EFR3A: variants seen among roughly 807,000 people sequenced by gnomAD.
EFR3A encodes EFR3 homolog A.
EFR3A carries 76 observed loss-of-function variants against 104.4 expected under a neutral mutation model. That is an observed-to-expected ratio of 0.73 (90% CI 0.60 to 0.88). The LOEUF is 0.88. EFR3A is among the 40% of genes least tolerant of loss of function. The probability of loss-of-function intolerance (pLI) is 0.00; values close to 1 mark genes in which losing one functional copy is unlikely to be tolerated. For missense variants in EFR3A, 985 were observed against 1,012.5 expected (o/e 0.97, Z 0.37); for synonymous variants, 330 against 330.0 (o/e 1.00, Z 0.00).
Position 131,953,926 on chromosome 8 carries a change from A to G in EFR3A, c.597A>G (p.Pro199=), listed in dbSNP as rs769243221. 6.4e-7 allele frequency: 1 copy of G among 1,568,708 alleles called. No homozygotes were observed. Among genetic ancestry groups the G allele is most frequent in the Non-Finnish European group, 8.6e-7 (1 of 1,156,186 alleles). ...WEPQHMDKIV[P]SLLFNMQKIE... is the part of the protein sequence containing the mutation. ...CTCAGCATATGGATAAGATTGTTCC[A>G]TCCCTCCTGTTTAACATGCAAAAGA... Residue 199 remains proline, a synonymous_variant, in exon 6 of 23, where the codon CCA becomes CCG. Transcript: ENST00000254624.
chr8:131,996,291 G>T, intron 18 of EFR3A, 115 bp from the exon 19 acceptor site: 1 of 622,032 alleles, frequency 1.6e-6, no homozygotes, highest in Non-Finnish European at 2.6e-6. Flanking sequence ...GAACAAAAAA[G>T]ACAAACTGTC....
At chr8:131,945,721 G>C (rs1194272438) in intron 3 of EFR3A, among the ~76,000 whole-genome samples, 1 of 152,030 alleles carries the variant, frequency 6.6e-6, no homozygotes, top group Non-Finnish European at 1.5e-5. Flanking sequence ...AATGTGTAAA[G>C]ATCAAGTCAG....
At position 132,003,894 on chromosome 8, in the gene EFR3A, C is replaced by G. The variant is rs959251855; in HGVS notation, c.2360+609C>G. ...GAACTTCCACATAGTCTTACATTGA[C>G]TTCAGTGTGGAAACCTGCCTTTGTG... On this transcript the variant is annotated intron_variant, in intron 22 of 22. Coordinates refer to ENST00000254624, the MANE Select transcript of EFR3A (RefSeq NM_015137.6). Among the ~76,000 whole-genome samples the G allele has an allele frequency of 6.6e-5, 10 of 152,316 alleles. No individual in the cohort carries two copies. In the East Asian group the frequency reaches 1.2e-3, roughly 18 times the overall value.
chr8:131,912,675 A>G (rs1816563291), intron 1 of EFR3A, among the ~76,000 whole-genome samples: 1 of 152,184 alleles, frequency 6.6e-6, no homozygotes, highest in Middle Eastern at 3.2e-3. Flanking sequence ...AAGATTCTTA[A>G]GATGTTTTTA....
chr8:131,914,205 C>T (rs1437960994), intron 1 of EFR3A, among the ~76,000 whole-genome samples: 1 of 152,154 alleles, frequency 6.6e-6, no homozygotes, highest in Admixed American at 6.5e-5. Flanking sequence ...TATGGCTTCT[C>T]CTGTTTTCTT....
intron 19 of EFR3A, 26 bp from the exon 20 acceptor site, chr8:132,001,733 C>A: frequency 6.2e-7 from 1 of 1,604,686 alleles, no homozygotes; most frequent in Non-Finnish European, 8.5e-7. Context: ...TTTTAACTCT[C>A]GATTTCACTT....
intron 2 of EFR3A, among the ~76,000 whole-genome samples, chr8:131,942,332 A>G: frequency 6.6e-6 from 1 of 152,148 alleles, no homozygotes; most frequent in East Asian, 1.9e-4. Context: ...AACTTGTTAA[A>G]ACAAACAAAT....
chr8:131,985,359 C>T (rs1291296721), intron 16 of EFR3A, among the ~76,000 whole-genome samples: 1 of 152,086 alleles, frequency 6.6e-6, no homozygotes, highest in Non-Finnish European at 1.5e-5. Flanking sequence ...CCTTATGACT[C>T]TTAGTATGTA....
At chr8:131,915,375 G>C (rs1029486897) in intron 1 of EFR3A, among the ~76,000 whole-genome samples, 1 of 152,184 alleles carries the variant, frequency 6.6e-6, no homozygotes, top group African/African-American at 2.4e-5. Context: ...CATAGGTACT[G>C]TCAGTATGTT....
In EFR3A at chr8:131,955,821, C is replaced by T. The variant is rs755832287; in HGVS notation, c.692C>T (p.Ala231Val). The part of the protein sequence containing the change: ...PSATDKEENP[A>V]VLAENCFREL... ...GCAACTGACAAAGAAGAGAATCCTG[C>T]TGTGCTGGCTGAAAACTGTTTCAGA... The change falls in exon 7 of 23, where the codon GCT becomes GTT. Residue 231 changes from alanine to valine, a missense_variant. By Grantham distance (64) the Ala-to-Val change is moderately conservative. Transcript: ENST00000254624. 3.7e-6 allele frequency: 6 copies of T among 1,613,570 alleles called. No homozygotes were observed. In the South Asian group the frequency reaches 4.4e-5, roughly 12 times the overall value.
At chr8:131,966,799 T>C (rs1432646387) in intron 8 of EFR3A, among the ~76,000 whole-genome samples, 1 of 152,166 alleles carries the variant, frequency 6.6e-6, no homozygotes, top group Non-Finnish European at 1.5e-5. Context: ...TAAACTTCAG[T>C]GTAAGGGCAA....
chr8:131,983,149 T>G (rs767986846), intron 14 of EFR3A, among the ~76,000 whole-genome samples: 1 of 152,176 alleles, frequency 6.6e-6, no homozygotes, highest in Non-Finnish European at 1.5e-5. Context: ...CCTAAAATGA[T>G]CAGAAGAACC....
chr8:131,975,255 G>C (rs373025471), intron 10 of EFR3A, among the ~76,000 whole-genome samples: 1 of 152,078 alleles, frequency 6.6e-6, no homozygotes, highest in Non-Finnish European at 1.5e-5. Flanking sequence ...TCAAATATTT[G>C]AGAAATCCTG....
intron 1 of EFR3A, among the ~76,000 whole-genome samples, chr8:131,904,891 A>G (rs771965559): frequency 6.6e-6 from 1 of 152,194 alleles, no homozygotes; most frequent in Non-Finnish European, 1.5e-5. Flanking sequence ...ACCCGGGCAG[A>G]TGATTAAAAA....
intron 14 of EFR3A, among the ~76,000 whole-genome samples, chr8:131,981,464 A>G (rs558811708): frequency 6.6e-6 from 1 of 152,090 alleles, no homozygotes; most frequent in Admixed American, 6.6e-5. Context: ...TTTAGAAGCA[A>G]TGTGTTCACA....
intron 10 of EFR3A, among the ~76,000 whole-genome samples, chr8:131,974,121 G>C (rs1007300484): frequency 2.6e-5 from 4 of 152,142 alleles, no homozygotes; most frequent in Non-Finnish European, 5.9e-5. Flanking sequence ...GAAAAGTACT[G>C]ATGCTTGGAC....
chr8:131,981,586 C>G (rs1820614446), intron 14 of EFR3A, among the ~76,000 whole-genome samples: 1 of 151,964 alleles, frequency 6.6e-6, no homozygotes, highest in South Asian at 2.1e-4. Context: ...GAAACCTTAA[C>G]TAGCAACTCA....
intron 11 of EFR3A, 84 bp from the exon 12 acceptor site, chr8:131,976,957 T>C (rs1820353792): frequency 8.3e-6 from 8 of 961,730 alleles, no homozygotes; most frequent in South Asian, 2.0e-5. Flanking sequence ...CCAATAAGAA[T>C]AGAATTTTAA....
intron 1 of EFR3A, among the ~76,000 whole-genome samples, chr8:131,921,585 A>C (rs1817029362): frequency 6.6e-6 from 1 of 152,302 alleles, no homozygotes. Context: ...TATTTATTAA[A>C]CTTTGATGTA....
Sources: allele counts gnomAD v4.1 joint callset (sites outside exome capture counted in the v4.1 genomes callset), GRCh38; gene constraint gnomAD v4.1.1; transcripts MANE v1.5; gene names NCBI Gene and HGNC (gene_info 2026-07-23, HGNC 2026-07-21).